FAIM2: variants seen among roughly 807,000 people sequenced by gnomAD.
The protein encoded by FAIM2 is Fas apoptotic inhibitory molecule 2, also known as protein lifeguard 2.
Under a neutral mutation model 47.4 loss-of-function variants are expected in FAIM2, and 27 were observed. The ratio of observed to expected loss-of-function variants is 0.57; its 90% CI spans 0.42 to 0.78. The LOEUF (loss-of-function observed/expected upper bound fraction) is 0.78. Ranked by LOEUF, FAIM2 falls within the 30% of genes least tolerant of loss-of-function variation. The pLI is 0.00. For missense variants in FAIM2, 311 were observed against 389.4 expected (o/e 0.80, Z 1.69); for synonymous variants, 156 against 159.3 (o/e 0.98, Z 0.16).
chr12:49,878,720 GTGTCTGTGTGCATGTGAGTGTATATGCA>G (rs1946767847), intron 11 of FAIM2, among the ~76,000 whole-genome samples: 2 of 129,226 alleles, frequency 1.5e-5, no homozygotes, highest in African/African-American at 3.2e-5. Flanking sequence ...ATATGCGTGT[GTGTCTGTGTGCATGTGAGTGTATATGCA>G]TATGTGTATA....
At chr12:49,892,894 C>T (rs1946910039) in intron 5 of FAIM2, among the ~76,000 whole-genome samples, 1 of 152,190 alleles carries the variant, frequency 6.6e-6, no homozygotes, top group Non-Finnish European at 1.5e-5. Context: ...TCCTGCATTC[C>T]CTCCTGCAGA....
At chr12:49,872,148 G>T (rs114956532) in intron 11 of FAIM2, among the ~76,000 whole-genome samples, 1 of 152,204 alleles carries the variant, frequency 6.6e-6, no homozygotes, top group African/African-American at 2.4e-5. Flanking sequence ...ACACAAAGCC[G>T]TGCCTGCCTT....
intron 2 of FAIM2, 101 bp downstream of exon 2, chr12:49,901,025 CCACA>C (rs1946977806): frequency 1.2e-6 from 1 of 869,234 alleles, no homozygotes; most frequent in Non-Finnish European, 1.7e-6. Flanking sequence ...CTTCATACAA[CCACA>C]CAGTGTACCT....
chr12:49,897,681 C>A, intron 3 of FAIM2, 98 bp from the exon 4 acceptor site: 1 of 852,992 alleles, frequency 1.2e-6, no homozygotes, highest in Non-Finnish European at 1.9e-6. Flanking sequence ...CCATCCTGTG[C>A]ACTCCACCCT....
At chr12:49,894,818 T>C (rs1022527367) in intron 5 of FAIM2, among the ~76,000 whole-genome samples, 3 of 152,238 alleles carry the variant, frequency 2.0e-5, no homozygotes, top group Non-Finnish European at 4.4e-5. Flanking sequence ...ATAACAGTAG[T>C]GTCTGCCTGG....
At position 49,870,115 on chromosome 12, in the gene FAIM2, G is replaced by A. The variant is rs1946691429; in HGVS notation, c.*389C>T. The A allele has an allele frequency of 5.3e-6, 1 of 187,648 alleles. No homozygotes were observed. The highest frequency in any genetic ancestry group is 2.3e-5 in the African/African-American group (1 of 42,806). The allele number at this position is 187,648 out of a possible 1,614,324, so 11.6% of individuals were successfully genotyped here. A position where few individuals can be genotyped will look rare whatever the true frequency, so the allele number is the denominator to read the frequency against. ...AGGACAGTGTGCCCTAAGGCCACATGATTGTGCAGCCCTAGGAGGAATTGC... is the reference window on the plus strand; with the variant it reads ...AGGACAGTGTGCCCTAAGGCCACATAATTGTGCAGCCCTAGGAGGAATTGC... On this transcript the variant is annotated 3_prime_UTR_variant, in exon 12 of 12. Transcript: ENST00000320634.
intron 2 of FAIM2, among the ~76,000 whole-genome samples, chr12:49,898,367 A>ATTCTCACTTTTCCT (rs1946955829): frequency 5.6e-5 from 3 of 53,132 alleles, no homozygotes; most frequent in Admixed American, 2.1e-4. Flanking sequence ...CTGGGGACCA[A>ATTCTCACTTTTCCT]GCTCTGCCAT....
intron 11 of FAIM2, among the ~76,000 whole-genome samples, chr12:49,881,067 C>T (rs1398997136): frequency 1.3e-5 from 2 of 152,122 alleles, no homozygotes; most frequent in Non-Finnish European, 2.9e-5. Context: ...TGGTCAACAT[C>T]GGAACTGGAG....
chr12:49,901,051 A>G lies in FAIM2; in HGVS notation c.211+79T>C, dbSNP rs1946977902. 3 of 1,156,664 alleles carry G rather than the reference A, an allele frequency of 2.6e-6. No homozygotes were observed. In the South Asian group the frequency reaches 4.8e-5, roughly 19 times the overall value. The allele number at this position is 1,156,664 out of a possible 1,614,324, so 71.7% of individuals were successfully genotyped here. ...CACACAGTGTACCTCTTTCTGGACA[A>G]CTTCCTCCTACTCAGGTTTTCCCTC... On this transcript the variant is annotated intron_variant, in intron 2 of 11. Transcript: ENST00000320634.
At chr12:49,887,466 GGAC>G (rs963514389) in intron 10 of FAIM2, 27 bp from the exon 11 acceptor site, 11 of 1,604,016 alleles carry the variant, frequency 6.9e-6, no homozygotes, top group Non-Finnish European at 8.5e-6. Context: ...ATGGGCTTAG[GGAC>G]GACAAGAAGG....
chr12:49,877,588 G>GTTA (rs1189902786), intron 11 of FAIM2, among the ~76,000 whole-genome samples: 9,527 of 151,668 alleles, frequency 0.063, 4,583 homozygotes, highest in East Asian at 0.1. Flanking sequence ...TTGTGAGGAA[G>GTTA]GTAGGGCATA....
intron 11 of FAIM2, among the ~76,000 whole-genome samples, chr12:49,879,705 T>A (rs111203873): frequency 0.042 from 3,084 of 73,884 alleles, 73 homozygotes; most frequent in African/African-American, 0.14. Context: ...TGTGCATGTG[T>A]GTGTGTGTGT....
At chr12:49,873,650 C>T (rs992245378) in intron 11 of FAIM2, among the ~76,000 whole-genome samples, 6 of 152,112 alleles carry the variant, frequency 3.9e-5, no homozygotes, top group African/African-American at 1.4e-4. Context: ...CTGAGAAGCA[C>T]CCACGCAGGA....
intron 5 of FAIM2, among the ~76,000 whole-genome samples, chr12:49,895,060 CGGGCA>C (rs77992168): frequency 2.0e-5 from 3 of 150,840 alleles, no homozygotes; most frequent in Non-Finnish European, 4.4e-5. Context: ...GGGTGTGGAG[CGGGCA>C]GGGCAGGGCA....
rs1231873259 is a variant in FAIM2 at position 49,874,860 on chromosome 12, G to A, written c.802-4207C>T. 6.6e-6 allele frequency among the ~76,000 whole-genome samples: 1 copy of A among 152,194 alleles called. No homozygotes were observed. Among genetic ancestry groups the A allele is most frequent in the Non-Finnish European group, 1.5e-5 (1 of 68,036 alleles). On this transcript the variant is annotated intron_variant, in intron 11 of 11. Coordinates refer to ENST00000320634, the MANE Select transcript of FAIM2 (RefSeq NM_012306.4). This position sits in a 1 kb window ranked among gnomAD's most constrained non-coding sequence, Gnocchi z 4.2. ...CCCAAACTCTACCAACACGGGGGTGGTTAAATAAACTCTGGGCAGCAGTGC... is the reference window on the plus strand; with the variant it reads ...CCCAAACTCTACCAACACGGGGGTGATTAAATAAACTCTGGGCAGCAGTGC...
intron 11 of FAIM2, among the ~76,000 whole-genome samples, chr12:49,872,609 C>G (rs1391301486): frequency 2.0e-5 from 3 of 152,210 alleles, no homozygotes; most frequent in African/African-American, 7.2e-5. Context: ...CCGGCAGGCC[C>G]AAGAGGCCAG....
At chr12:49,884,756 C>G (rs983934406) in intron 11 of FAIM2, among the ~76,000 whole-genome samples, 2 of 152,158 alleles carry the variant, frequency 1.3e-5, no homozygotes, top group African/African-American at 4.8e-5. Flanking sequence ...GGGCGGATCA[C>G]GAGGTCAGGA....
chr12:49,867,909 C>T lies in FAIM2; in HGVS notation c.*2595G>A, dbSNP rs1304652382. 2 of 152,592 alleles carry T rather than the reference C, an allele frequency of 1.3e-5. No homozygotes were observed. The highest frequency in any genetic ancestry group is 4.8e-5 in the African/African-American group (2 of 41,440). The allele number at this position is 152,592 out of a possible 1,614,324, so 9.5% of individuals were successfully genotyped here. On this transcript the variant is annotated 3_prime_UTR_variant, in exon 12 of 12. Transcript: ENST00000320634. ...GTACCTGCCACCCCCCCTCAGGACCCAGAGTAGGAGGCTGCGGCATCTTCT... is the reference window on the plus strand; with the variant it reads ...GTACCTGCCACCCCCCCTCAGGACCTAGAGTAGGAGGCTGCGGCATCTTCT...
rs1946695361 is a variant in FAIM2, at chr12:49,870,605, G to T, written c.850C>A (p.Leu284Met). Residue 284 changes from leucine (L) to methionine (M), a missense_variant, in exon 12 of 12, where the codon CTG becomes ATG. Transcript: ENST00000320634. ...QLLMGNRRHS[L>M]SPEEYIFGAL... is the part of the protein sequence containing the mutation. ...CCAAAAATATACTCCTCAGGGCTCA[G>T]CGAGTGGCGTCGGTTACCCATCAGC... 1 of 1,613,914 alleles carries T rather than the reference G, an allele frequency of 6.2e-7. No individual in the cohort carries two copies. The highest frequency in any genetic ancestry group is 1.3e-5 in the African/African-American group (1 of 74,906).
Sources: allele counts gnomAD v4.1 joint callset (sites outside exome capture counted in the v4.1 genomes callset), GRCh38; gene constraint gnomAD v4.1.1; non-coding constraint Gnocchi (gnomAD v3.1); transcripts MANE v1.5; gene names NCBI Gene and HGNC (gene_info 2026-07-23, HGNC 2026-07-21).